Variants in PEMT observed in about 807,000 individuals in gnomAD.
The protein encoded by PEMT is phosphatidylethanolamine N-methyltransferase.
PEMT carries 23 observed loss-of-function variants against 27.4 expected under a neutral mutation model. The ratio of observed to expected loss-of-function variants is 0.84; its 90% confidence interval spans 0.60 to 1.19. The LOEUF is 1.19. Ranked by LOEUF, PEMT falls within the 50% of genes most tolerant of loss-of-function variation. PEMT has a pLI of 0.00. For synonymous variants in PEMT, 137 were observed against 139.1 expected (o/e 0.98, Z 0.11); for missense variants, 307 against 310.1 (o/e 0.99, Z 0.07).
At chr17:17,553,664 G>A (rs559122928) in intron 2 of PEMT, among the ~76,000 whole-genome samples, 25 of 152,332 alleles carry the variant, frequency 1.6e-4, no homozygotes, top group South Asian at 1.0e-3. Flanking sequence ...GCTCCCACGC[G>A]TGGCCTTCTC....
chr17:17,519,269 C>T lies in PEMT; in HGVS notation c.320+3011G>A, dbSNP rs987902863. ...AGAACAGTGGGGGAGAGAGTGAGGA[C>T]CAGGGCACACCTCTGCCTCTGAACA... On this transcript the variant is annotated intron_variant, in intron 3 of 6. Transcript: ENST00000255389. Among the ~76,000 whole-genome samples, 11 of 151,938 alleles carry T rather than the reference C, an allele frequency of 7.2e-5. No homozygotes were observed. In the East Asian group the frequency reaches 2.1e-3, roughly 30 times the overall value.
chr17:17,544,453 G>A (rs375145333), intron 2 of PEMT, among the ~76,000 whole-genome samples: 6 of 151,930 alleles, frequency 3.9e-5, no homozygotes, highest in Admixed American at 3.9e-4. Flanking sequence ...GCTAATTTTC[G>A]TATTTGTAGT....
Position 17,523,172 on chromosome 17 carries a change from C to CA in PEMT, c.205-778dup, listed in dbSNP as rs1296953694. On this transcript the variant is annotated intron_variant, in intron 2 of 6. Coordinates refer to ENST00000255389, the MANE Select transcript of PEMT (RefSeq NM_148172.3). This position sits in a 1 kb window ranked among gnomAD's most constrained non-coding sequence, Gnocchi z 4.8. Reference sequence around the variant, plus strand: ...AGGAGGGGAGGGGGCAAGGAGGATGCAAAAAGACAAGCATGCAGCCTGGGG... The same window carrying CA: ...AGGAGGGGAGGGGGCAAGGAGGATGCAAAAAAGACAAGCATGCAGCCTGGGG... Among the ~76,000 whole-genome samples the CA allele has an allele frequency of 6.6e-6, 1 of 152,118 alleles. No individual in the cohort carries two copies. Among genetic ancestry groups the CA allele is most frequent in the African/African-American group, 2.4e-5 (1 of 41,498 alleles).
At chr17:17,576,818 G>T in intron 2 of PEMT, 102 bp downstream of exon 2, 1 of 888,876 alleles carries the variant, frequency 1.1e-6, no homozygotes, top group Non-Finnish European at 1.9e-6. Flanking sequence ...AGAGCTGTCT[G>T]TCTGTCTGGC....
intron 2 of PEMT, among the ~76,000 whole-genome samples, chr17:17,524,918 G>T (rs1327399105): frequency 6.6e-6 from 1 of 152,138 alleles, no homozygotes; most frequent in East Asian, 1.9e-4. Context: ...GACCATCCTG[G>T]CTAACACGGT....
At position 17,587,186 on chromosome 17, in the gene PEMT, C is replaced by T. The variant is rs187040371; in HGVS notation, c.96+4345G>A. On this transcript the variant is annotated intron_variant, in intron 1 of 6. Transcript: ENST00000255389. ...TTTTCCCAATAAAACTGAGAAACCT[C>T]CAGCCAGCCTGACCAAGAAAAAAAG... 3.2e-3 allele frequency among the ~76,000 whole-genome samples: 493 copies of T among 152,064 alleles called. 1 individual carries two copies. Among genetic ancestry groups the T allele is most frequent in the Non-Finnish European group, 5.0e-3 (340 of 67,998 alleles).
chr17:17,545,528 C>A (rs907392543), intron 2 of PEMT, among the ~76,000 whole-genome samples: 1 of 152,252 alleles, frequency 6.6e-6, no homozygotes, highest in African/African-American at 2.4e-5. Context: ...ACAGCCCATG[C>A]CACCAGGCTG....
At chr17:17,536,242 C>T (rs1908463624) in intron 2 of PEMT, among the ~76,000 whole-genome samples, 1 of 152,222 alleles carries the variant, frequency 6.6e-6, no homozygotes, top group Non-Finnish European at 1.5e-5. Context: ...GTGTGCCTCC[C>T]TTGCAGGACT....
chr17:17,522,057 C>G (rs929261535), intron 3 of PEMT, among the ~76,000 whole-genome samples: 1 of 152,202 alleles, frequency 6.6e-6, no homozygotes, highest in African/African-American at 2.4e-5. Context: ...CCCTTGCCCC[C>G]CATTCACATA....
chr17:17,524,318 C>T (rs1907510412), intron 2 of PEMT, among the ~76,000 whole-genome samples: 1 of 152,164 alleles, frequency 6.6e-6, no homozygotes, highest in South Asian at 2.1e-4. Flanking sequence ...ATTGCTGGGT[C>T]ACATGGTAAA....
intron 1 of PEMT, among the ~76,000 whole-genome samples, chr17:17,589,272 ATTT>A (rs573309051): frequency 7.2e-6 from 1 of 138,496 alleles, no homozygotes; most frequent in African/African-American, 2.7e-5. Flanking sequence ...CCAACAGCTG[ATTT>A]TTTTTTTTTT....
intron 2 of PEMT, among the ~76,000 whole-genome samples, chr17:17,540,780 C>T (rs904224563): frequency 6.6e-6 from 1 of 152,194 alleles, no homozygotes; most frequent in Non-Finnish European, 1.5e-5. Flanking sequence ...CCCTCGCTCC[C>T]CCACCTTGGA....
intron 2 of PEMT, among the ~76,000 whole-genome samples, chr17:17,544,314 C>T (rs1412800164): frequency 2.0e-5 from 3 of 148,802 alleles, no homozygotes; most frequent in African/African-American, 7.4e-5. Context: ...GAGTTTTGCT[C>T]TTGTCGCCCA....
intron 2 of PEMT, among the ~76,000 whole-genome samples, chr17:17,532,823 T>C (rs1421564264): frequency 6.7e-6 from 1 of 150,152 alleles, no homozygotes; most frequent in Non-Finnish European, 1.5e-5. Context: ...AGACCAGGAG[T>C]TCAAGACCAG....
At chr17:17,508,038 G>A (rs1006946042) in intron 5 of PEMT, 1 of 152,736 alleles carries the variant, frequency 6.5e-6, no homozygotes, top group African/African-American at 2.4e-5. Flanking sequence ...GATTCGTGCA[G>A]GAGGGAACAC....
rs1017673693 is a variant in PEMT, at chr17:17,523,589, G to A, written c.205-1194C>T. Among the ~76,000 whole-genome samples, 4 of 152,178 alleles carry A rather than the reference G, an allele frequency of 2.6e-5. No individual in the cohort carries two copies. Among genetic ancestry groups the A allele is most frequent in the African/African-American group, 7.2e-5 (3 of 41,434 alleles). ...CCCTCAACCAGCTGTTGGCACTGCA[G>A]CCAATTCTCCCAGAAGGTAAGCAGG... On this transcript the variant is annotated intron_variant, in intron 2 of 6. Coordinates refer to ENST00000255389, the MANE Select transcript of PEMT (RefSeq NM_148172.3). This position sits in a 1 kb window ranked among gnomAD's most constrained non-coding sequence, Gnocchi z 4.8.
intron 1 of PEMT, among the ~76,000 whole-genome samples, chr17:17,580,542 G>C (rs902402495): frequency 6.6e-6 from 1 of 152,142 alleles, no homozygotes; most frequent in Admixed American, 6.5e-5. Flanking sequence ...CAGCCTGGTG[G>C]GGGGAGGGTG....
At position 17,582,454 on chromosome 17, in the gene PEMT, C is replaced by A; in HGVS notation, c.97-5427G>T. The A allele has an allele frequency of 1.0e-6, 1 of 985,000 alleles. No individual in the cohort carries two copies. Among genetic ancestry groups the A allele is most frequent in the Middle Eastern group, 5.2e-4 (1 of 1,916 alleles). The allele number at this position is 985,000 out of a possible 1,614,324, so 61.0% of individuals were successfully genotyped here. A position where few individuals can be genotyped will look rare whatever the true frequency, so the allele number is the denominator to read the frequency against. The stretch of plus-strand genomic sequence containing the variant: ...CAGGGAATGATCTGCAGTGGGTCAA[C>A]ATGTCACATTGTGACACATGGACAA... On this transcript the variant is annotated intron_variant, in intron 1 of 6. Transcript: ENST00000255389. This position sits in a 1 kb window ranked among gnomAD's most constrained non-coding sequence, Gnocchi z 4.9.
intron 6 of PEMT, 143 bp downstream of exon 6, chr17:17,506,084 G>A: frequency 1.0e-6 from 1 of 978,524 alleles, no homozygotes; most frequent in Non-Finnish European, 1.5e-6. Flanking sequence ...AGCTACCATG[G>A]CCGCTCTGAC....
Sources: gnomAD v4.1 joint callset for allele counts (sites outside exome capture counted in the v4.1 genomes callset) on GRCh38, gnomAD v4.1.1 for gene constraint, Gnocchi (gnomAD v3.1) non-coding constraint, MANE v1.5 for transcripts, NCBI Gene and HGNC (gene_info 2026-07-23, HGNC 2026-07-21) for gene names.